The following LUZP2 variants were observed in gnomAD, a reference collection of about 807,000 sequenced individuals.
LUZP2 encodes leucine zipper protein 2.
LUZP2 carries 52 observed loss-of-function variants against 51.6 expected under a neutral mutation model. The ratio of observed to expected loss-of-function variants is 1.01; its 90% CI spans 0.81 to 1.27. The LOEUF (loss-of-function observed/expected upper bound fraction) is 1.27, where lower values mean the gene tolerates loss of function less well. LUZP2 is among the 50% of genes most tolerant of loss of function. The pLI is 0.00. For synonymous variants in LUZP2, 154 were observed against 137.3 expected (o/e 1.12, Z -0.85); for missense variants, 436 against 395.4 (o/e 1.10, Z -0.87).
chr11:24,765,565 A>C (rs1020242889), intron 5 of LUZP2, among the ~76,000 whole-genome samples: 1 of 151,410 alleles, frequency 6.6e-6, no homozygotes, highest in African/African-American at 2.4e-5. Context: ...ACATTTATTG[A>C]CCACATATGT....
At chr11:24,672,978 C>T (rs1368103279) in intron 1 of LUZP2, among the ~76,000 whole-genome samples, 1 of 152,142 alleles carries the variant, frequency 6.6e-6, no homozygotes, top group African/African-American at 2.4e-5. Context: ...AGCCTGAACC[C>T]TATTGTGAAT....
At chr11:24,981,276 T>A (rs977660106) in intron 8 of LUZP2, among the ~76,000 whole-genome samples, 5 of 151,780 alleles carry the variant, frequency 3.3e-5, no homozygotes, top group African/African-American at 4.8e-5. Flanking sequence ...CCTGAGGGTT[T>A]CCCCCATTTT....
At chr11:24,626,086 C>A (rs774902937) in intron 1 of LUZP2, among the ~76,000 whole-genome samples, 26 of 152,088 alleles carry the variant, frequency 1.7e-4, no homozygotes, top group Non-Finnish European at 3.5e-4. Flanking sequence ...AAAGTGTCAA[C>A]CTCGGAGGGT....
chr11:24,681,563 T>C (rs1856737975), intron 1 of LUZP2, among the ~76,000 whole-genome samples: 1 of 152,180 alleles, frequency 6.6e-6, no homozygotes, highest in Admixed American at 6.5e-5. Flanking sequence ...GTATCACATA[T>C]TGGTAAATTA....
At chr11:24,846,774 G>A (rs1486710) in intron 5 of LUZP2, among the ~76,000 whole-genome samples, 22,984 of 151,784 alleles carry the variant, frequency 0.15, 1,878 homozygotes, top group African/African-American at 0.2. Context: ...GCAGTTATTT[G>A]ACAGTTCATC....
intron 1 of LUZP2, among the ~76,000 whole-genome samples, chr11:24,681,149 T>G (rs1010837102): frequency 2.0e-5 from 3 of 151,444 alleles, no homozygotes; most frequent in Non-Finnish European, 4.4e-5. Flanking sequence ...GCCCAGCTAA[T>G]TTTTTGTATT....
intron 5 of LUZP2, among the ~76,000 whole-genome samples, chr11:24,850,452 A>T (rs1420089965): frequency 6.6e-6 from 1 of 151,962 alleles, no homozygotes; most frequent in Admixed American, 6.6e-5. Context: ...GTTATTTCTG[A>T]GGCCTCTGTT....
At chr11:24,742,688 C>A (rs1402310342) in intron 4 of LUZP2, among the ~76,000 whole-genome samples, 1 of 151,980 alleles carries the variant, frequency 6.6e-6, no homozygotes, top group Non-Finnish European at 1.5e-5. Context: ...TGCAAAAGCT[C>A]TTTAGTCTAA....
intron 1 of LUZP2, among the ~76,000 whole-genome samples, chr11:24,546,174 C>G (rs993550542): frequency 1.3e-5 from 2 of 151,882 alleles, no homozygotes; most frequent in Non-Finnish European, 2.9e-5. Flanking sequence ...GCTTAAGGAC[C>G]TTTTGGGCCA....
At chr11:24,899,691 CAGAG>C (rs1265365225) in intron 5 of LUZP2, among the ~76,000 whole-genome samples, 3 of 151,984 alleles carry the variant, frequency 2.0e-5, no homozygotes, top group Non-Finnish European at 4.4e-5. Flanking sequence ...AATAAATTAC[CAGAG>C]AGAAAGAGAG....
At chr11:24,821,553 G>T (rs1243060455) in intron 5 of LUZP2, among the ~76,000 whole-genome samples, 1 of 151,912 alleles carries the variant, frequency 6.6e-6, no homozygotes, top group African/African-American at 2.4e-5. Context: ...CCTAGATCTT[G>T]CCTCATGCTG....
chr11:24,719,248 A>G (rs1858171105), intron 1 of LUZP2, among the ~76,000 whole-genome samples: 1 of 152,270 alleles, frequency 6.6e-6, no homozygotes, highest in Non-Finnish European at 1.5e-5. Flanking sequence ...AACCTGAACT[A>G]GGATAGTAAG....
rs1331471494 is a variant in LUZP2 at position 24,600,209 on chromosome 11, ACACACACACG to A, written c.62+102909_62+102918del. On this transcript the variant is annotated intron_variant, in intron 1 of 11. Transcript: ENST00000336930. ...CACACACACACACACACACACACAC[ACACACACACG>A]CACAATGGGGTAACATCATGTGAAG... Among the ~76,000 whole-genome samples, 200 of 148,056 alleles carry A rather than the reference ACACACACACG, an allele frequency of 1.4e-3. 1 individual carries two copies. Among genetic ancestry groups the A allele is most frequent in the African/African-American group, 4.5e-3 (179 of 39,562 alleles).
intron 1 of LUZP2, among the ~76,000 whole-genome samples, chr11:24,713,116 T>C (rs1419747747): frequency 1.3e-5 from 2 of 152,184 alleles, no homozygotes; most frequent in Admixed American, 6.5e-5. Context: ...AAGAAAAATA[T>C]GCAAATATCC....
intron 1 of LUZP2, among the ~76,000 whole-genome samples, chr11:24,622,319 C>T (rs1854525249): frequency 1.3e-5 from 2 of 151,400 alleles, no homozygotes. Flanking sequence ...TGATGTTCCG[C>T]TTCCTGTGTC....
rs946618449 is a variant in LUZP2, at chr11:24,920,378, T to C, written c.522+5840T>C. Among the ~76,000 whole-genome samples, 4 of 152,162 alleles carry C rather than the reference T, an allele frequency of 2.6e-5. No individual in the cohort carries two copies. In the South Asian group the frequency reaches 6.2e-4, roughly 24 times the overall value. On this transcript the variant is annotated intron_variant, in intron 7 of 11. Transcript: ENST00000336930. ...TTTCCCTGTGTATTGTTAGTTTCTA[T>C]ATGCATACAACTGTGAATCAAAAAT...
chr11:25,056,968 C>A (rs1256598766), intron 10 of LUZP2, among the ~76,000 whole-genome samples: 1 of 152,060 alleles, frequency 6.6e-6, no homozygotes, highest in Non-Finnish European at 1.5e-5. Context: ...GGCGTGGTGG[C>A]AGGCGCCTGT....
intron 5 of LUZP2, among the ~76,000 whole-genome samples, chr11:24,826,229 A>T (rs998437258): frequency 6.9e-5 from 10 of 145,782 alleles, no homozygotes; most frequent in African/African-American, 2.5e-4. Flanking sequence ...AATTTCAGGG[A>T]ACAGTTTAGG....
intron 10 of LUZP2, among the ~76,000 whole-genome samples, chr11:25,064,661 T>C (rs1003470416): frequency 6.6e-6 from 1 of 151,962 alleles, no homozygotes; most frequent in Non-Finnish European, 1.5e-5. Context: ...TAGCCTAAGA[T>C]TGTGGCTGTT....
Sources: allele counts gnomAD v4.1 joint callset (sites outside exome capture counted in the v4.1 genomes callset), GRCh38; gene constraint gnomAD v4.1.1; transcripts MANE v1.5; gene names NCBI Gene and HGNC (gene_info 2026-07-23, HGNC 2026-07-21).